Variants in TACC1 observed in about 807,000 individuals in gnomAD.
TACC1 encodes transforming acidic coiled-coil containing protein 1, also known as transforming acidic coiled-coil-containing protein 1.
TACC1 carries 48 observed loss-of-function variants against 84.4 expected under a neutral mutation model. The ratio of observed to expected loss-of-function variants is 0.57; its 90% CI spans 0.45 to 0.72. The LOEUF (loss-of-function observed/expected upper bound fraction) is 0.72, where lower values mean the gene tolerates loss of function less well. Ranked by LOEUF, TACC1 falls within the 30% of genes least tolerant of loss-of-function variation. TACC1 has a pLI of 0.00. For missense variants in TACC1, 920 were observed against 973.0 expected, an observed-to-expected ratio of 0.95 and a Z score of 0.72; for synonymous variants, 372 against 376.3, an observed-to-expected ratio of 0.99 and a Z score of 0.13.
chr8:38,750,582 A>G (rs1308620065), intron 3 of TACC1, among the ~76,000 whole-genome samples: 1 of 152,230 alleles, frequency 6.6e-6, no homozygotes, highest in African/African-American at 2.4e-5. Context: ...AATAAAAGCT[A>G]TTAGAGGTAC....
In TACC1 at chr8:38,819,712, G is replaced by T. The variant is rs1001150221; in HGVS notation, c.468G>T (p.Thr156=). ...TCGTGAGGCCATTTTCAATAGAAAC[G>T]AAGGATTCCACGGATATCTCGGCAG... ...ISIVRPFSIE[T]KDSTDISAVL... is the part of the protein sequence containing the mutation. The change falls in exon 3 of 13, where the codon ACG becomes ACT. Residue 156 remains threonine, a synonymous_variant. Coordinates refer to ENST00000317827, the MANE Select transcript of TACC1 (RefSeq NM_006283.3). 11 of 1,614,126 alleles carry T rather than the reference G, an allele frequency of 6.8e-6. No individual in the cohort carries two copies. In the African/African-American group the frequency reaches 9.3e-5, roughly 14 times the overall value.
intron 9 of TACC1, 27 bp downstream of exon 9, chr8:38,840,294 G>A: frequency 1.9e-6 from 3 of 1,601,348 alleles, no homozygotes; most frequent in Non-Finnish European, 1.7e-6. Flanking sequence ...GTTTTTTGAG[G>A]GTATGAGCCA....
chr8:38,740,735 A>G (rs1806896935), intron 1 of TACC1, among the ~76,000 whole-genome samples: 1 of 152,074 alleles, frequency 6.6e-6, no homozygotes, highest in Admixed American at 6.5e-5. Flanking sequence ...ATTTTCTTCC[A>G]TCTTAACTCT....
intron 3 of TACC1, among the ~76,000 whole-genome samples, chr8:38,778,964 T>A (rs1051807380): frequency 2.7e-5 from 4 of 149,430 alleles, no homozygotes; most frequent in Non-Finnish European, 5.9e-5. Context: ...TCAGTAGGGG[T>A]CCTTGGGTTT....
chr8:38,785,436 G>C (rs1437025489), upstream of TACC1, among the ~76,000 whole-genome samples: 1 of 152,174 alleles, frequency 6.6e-6, no homozygotes, highest in African/African-American at 2.4e-5. Flanking sequence ...AATGGGAACC[G>C]AAAGATTAGA....
At chr8:38,773,511 T>C (rs1814091744) in intron 3 of TACC1, among the ~76,000 whole-genome samples, 1 of 151,014 alleles carries the variant, frequency 6.6e-6, no homozygotes, top group South Asian at 2.1e-4. Flanking sequence ...TATTTAAACA[T>C]ACATATTGTC....
At chr8:38,824,796 CT>C (rs1438321759) in intron 3 of TACC1, 4 of 153,676 alleles carry the variant, frequency 2.6e-5, no homozygotes, top group Admixed American at 2.6e-4. Flanking sequence ...TACTTTTATA[CT>C]TTTTATTGAT....
At chr8:38,749,685 A>G (rs1034789996) in intron 3 of TACC1, among the ~76,000 whole-genome samples, 5 of 152,014 alleles carry the variant, frequency 3.3e-5, no homozygotes, top group Admixed American at 6.6e-5. Context: ...TCTGCCTCCC[A>G]GGTTCAAGCG....
intron 1 of TACC1, among the ~76,000 whole-genome samples, chr8:38,739,331 C>G (rs1806619929): frequency 6.6e-6 from 1 of 152,238 alleles, no homozygotes; most frequent in Non-Finnish European, 1.5e-5. Flanking sequence ...AAACCTGGCT[C>G]CCACCATCTG....
intron 2 of TACC1, chr8:38,742,518 G>C (rs553924967): frequency 8.5e-7 from 1 of 1,175,582 alleles, no homozygotes; most frequent in Non-Finnish European, 1.2e-6. Context: ...TTATTTCCTA[G>C]TGAAAAATAA....
chr8:38,810,337 A>T (rs1035050002), intron 2 of TACC1, among the ~76,000 whole-genome samples: 5 of 152,140 alleles, frequency 3.3e-5, no homozygotes, highest in African/African-American at 1.2e-4. Context: ...GCAGTGGCTG[A>T]CACCTGTAGT....
rs936112663 is a variant in TACC1, at chr8:38,744,597, G to T, written c.-573-298G>T. On this transcript the variant is annotated intron_variant, in intron 2 of 14. Transcript: ENST00000518415. ...GAGAGAAAGGGAGAAGTGATACTAG[G>T]AAATAGTAGCTTCTGCCACTTTGAG... 2.6e-5 allele frequency among the ~76,000 whole-genome samples: 4 copies of T among 152,126 alleles called. No homozygotes were observed. In the East Asian group the frequency reaches 7.7e-4, roughly 29 times the overall value.
chr8:38,781,657 T>C (rs35834813), intron 3 of TACC1, among the ~76,000 whole-genome samples: 66,118 of 151,942 alleles, frequency 0.44, 14,789 homozygotes, highest in African/African-American at 0.51. Flanking sequence ...TTGGGATTAC[T>C]GATGTGAGCC....
rs1049360423 is a variant in TACC1 at position 38,819,524 on chromosome 8, T to C, written c.280T>C (p.Ser94Pro). The C allele has an allele frequency of 6.3e-7, 1 of 1,595,820 alleles. No homozygotes were observed. Among genetic ancestry groups the C allele is most frequent in the African/African-American group, 1.4e-5 (1 of 73,954 alleles). ...LAGPGAKSQE[S>P]QEADEQLVAE... ...ATGGTTTTTGTGTTTCATTTTAGAA[T>C]CACAAGAAGCTGATGAACAGCTTGT... The change falls in exon 3 of 13, where the codon TCA becomes CCA. Residue 94 changes from serine (S) to proline (P), a missense_variant and splice_region_variant. This residue lies in a region of TACC1 where 762 missense variants were observed against 747.3 expected (regional missense o/e 1.02). Coordinates refer to ENST00000317827, the MANE Select transcript of TACC1 (RefSeq NM_006283.3).
intron 1 of TACC1, among the ~76,000 whole-genome samples, chr8:38,738,430 A>G (rs1395986585): frequency 6.6e-6 from 1 of 152,186 alleles, no homozygotes; most frequent in Non-Finnish European, 1.5e-5. Context: ...TTGGAATTCC[A>G]TCATGGACAT....
At chr8:38,826,324 A>G (rs1425397893) in intron 4 of TACC1, among the ~76,000 whole-genome samples, 1 of 152,214 alleles carries the variant, frequency 6.6e-6, no homozygotes, top group Non-Finnish European at 1.5e-5. Flanking sequence ...GGTTTTCTTT[A>G]AAAAACAAAA....
At chr8:38,738,910 G>C (rs1253194439) in intron 1 of TACC1, among the ~76,000 whole-genome samples, 1 of 151,964 alleles carries the variant, frequency 6.6e-6, no homozygotes, top group Non-Finnish European at 1.5e-5. Flanking sequence ...TTTTTTTTGA[G>C]ACTGAGCTCA....
chr8:38,752,712 A>G (rs894302875), intron 3 of TACC1, among the ~76,000 whole-genome samples: 3 of 151,812 alleles, frequency 2.0e-5, no homozygotes, highest in Admixed American at 1.3e-4. Context: ...CTCTCTTTTC[A>G]TTCTCCTCCT....
At chr8:38,839,223 G>A in intron 8 of TACC1, 1 of 380,902 alleles carries the variant, frequency 2.6e-6, no homozygotes, top group Non-Finnish European at 4.7e-6. Flanking sequence ...ATGCATGAGA[G>A]TTTCAAATTA....
Sources: gnomAD v4.1 joint callset for allele counts (sites outside exome capture counted in the v4.1 genomes callset) on GRCh38, gnomAD v4.1.1 for gene constraint, gnomAD v4.1.1 regional missense constraint, MANE v1.5 for transcripts, NCBI Gene and HGNC (gene_info 2026-07-23, HGNC 2026-07-21) for gene names.